The following MC2R variants were observed in gnomAD, a reference collection of about 807,000 sequenced individuals.
MC2R encodes adrenocorticotropic hormone receptor.
MC2R carries 9 observed loss-of-function variants against 9.8 expected under a neutral mutation model. The ratio of observed to expected loss-of-function variants is 0.92; its 90% CI spans 0.55 to 1.60. The LOEUF (loss-of-function observed/expected upper bound fraction) is 1.60. Ranked by LOEUF, MC2R falls within the 40% of genes most tolerant of loss-of-function variation. The pLI, the probability that MC2R is intolerant of heterozygous loss-of-function variation, is 0.00. For synonymous variants in MC2R, 185 were observed against 154.7 expected, an observed-to-expected ratio of 1.20 and a Z score of -1.45; for missense variants, 370 against 389.0, an observed-to-expected ratio of 0.95 and a Z score of 0.41.
At chr18:13,887,740 T>C (rs1168973098) in intron 1 of MC2R, among the ~76,000 whole-genome samples, 1 of 152,214 alleles carries the variant, frequency 6.6e-6, no homozygotes. Flanking sequence ...ATGGAGACAC[T>C]GGTCTCTTCC....
rs1479820068 is a variant in MC2R at position 13,882,693 on chromosome 18, C to T, written c.*1932G>A. 1 of 152,002 alleles carries T rather than the reference C, an allele frequency of 6.6e-6. No individual in the cohort carries two copies. Among genetic ancestry groups the T allele is most frequent in the Non-Finnish European group, 1.5e-5 (1 of 68,002 alleles). The allele number at this position is 152,002 out of a possible 1,614,324, so 9.4% of individuals were successfully genotyped here. A position where few individuals can be genotyped will look rare whatever the true frequency, so the allele number is the denominator to read the frequency against. On this transcript the variant is annotated 3_prime_UTR_variant, in exon 2 of 2. Coordinates refer to ENST00000327606, the MANE Select transcript of MC2R (RefSeq NM_000529.2). ...ACCTCTGTGGTATCACAGAGCATTG[C>T]AGCATCAAAAAAAGGTTACCTCTTA...
At position 13,885,195 on chromosome 18, in the gene MC2R, G is replaced by C; in HGVS notation, c.324C>G (p.Ser108=). 1 of 1,614,140 alleles carries C rather than the reference G, an allele frequency of 6.2e-7. No homozygotes were observed. The highest frequency in any genetic ancestry group is 2.2e-5 in the East Asian group (1 of 44,878). The part of the protein sequence containing the change: ...FETTADDIID[S]LFVLSLLGSI... The stretch of plus-strand genomic sequence containing the variant: ...AGCCAAGCAGGGAGAGGACAAACAG[G>C]GAGTCGATGATGTCATCGGCTGTGG... The change falls in exon 2 of 2, where the codon TCC becomes TCG. Residue 108 remains serine, a synonymous_variant. Coordinates refer to ENST00000327606, the MANE Select transcript of MC2R (RefSeq NM_000529.2).
intron 1 of MC2R, among the ~76,000 whole-genome samples, chr18:13,896,872 A>T (rs1334334108): frequency 6.6e-6 from 1 of 152,242 alleles, no homozygotes; most frequent in East Asian, 1.9e-4. Context: ...TTAGTTAAAT[A>T]TACTCCGCAA....
At position 13,882,593 on chromosome 18, in the gene MC2R, G is replaced by C. The variant is rs2045239281; in HGVS notation, c.*2032C>G. The C allele has an allele frequency of 6.6e-6, 1 of 152,190 alleles. No individual in the cohort carries two copies. Among genetic ancestry groups the C allele is most frequent in the South Asian group, 2.1e-4 (1 of 4,832 alleles). 9.4% of individuals were successfully genotyped at this position (152,190 alleles called of 1,614,324 possible). On this transcript the variant is annotated 3_prime_UTR_variant, in exon 2 of 2. Coordinates refer to ENST00000327606, the MANE Select transcript of MC2R (RefSeq NM_000529.2). ...TTGAGAGTGATTAGGAGACAGCAAA[G>C]CTGTTGACAAAGGCAGAATTTTATA...
At chr18:13,903,733 C>T (rs1460750585) in intron 1 of MC2R, among the ~76,000 whole-genome samples, 3 of 152,016 alleles carry the variant, frequency 2.0e-5, no homozygotes, top group African/African-American at 4.8e-5. Context: ...TAATGGTACA[C>T]AAATAGTTAG....
At chr18:13,901,313 T>C (rs1275488134) in intron 1 of MC2R, among the ~76,000 whole-genome samples, 1 of 151,666 alleles carries the variant, frequency 6.6e-6, no homozygotes, top group Admixed American at 6.6e-5. Context: ...AATAAACAAT[T>C]TAATGATGCA....
intron 1 of MC2R, among the ~76,000 whole-genome samples, chr18:13,910,602 C>A (rs2045438898): frequency 6.6e-6 from 1 of 152,172 alleles, no homozygotes; most frequent in South Asian, 2.1e-4. Context: ...CTACAAAGTG[C>A]CTGAGGGGGA....
At chr18:13,897,952 G>C (rs2045356528) in intron 1 of MC2R, among the ~76,000 whole-genome samples, 2 of 151,940 alleles carry the variant, frequency 1.3e-5, no homozygotes, top group African/African-American at 4.8e-5. Context: ...TCCCAGCTGT[G>C]GTAGCTATGG....
rs574684456 is a variant in MC2R at position 13,906,942 on chromosome 18, A to G, written c.-129+8546T>C. Among the ~76,000 whole-genome samples the G allele has an allele frequency of 1.3e-3, 196 of 152,352 alleles. 1 individual carries two copies. In the Middle Eastern group the frequency reaches 0.014, roughly 11 times the overall value. The stretch of plus-strand genomic sequence containing the variant: ...AATAATTAATATTGTTAAAATTTCC[A>G]TACTACCCAAAGCAATTTACAGATT... On this transcript the variant is annotated intron_variant, in intron 1 of 1. Transcript: ENST00000327606.
chr18:13,887,614 T>C (rs1272644879), intron 1 of MC2R, among the ~76,000 whole-genome samples: 1 of 152,176 alleles, frequency 6.6e-6, no homozygotes, highest in Non-Finnish European at 1.5e-5. Context: ...AACAGGTTAC[T>C]GAGTAAAACA....
chr18:13,897,629 GAGA>G (rs759543744), intron 1 of MC2R, among the ~76,000 whole-genome samples: 2 of 152,044 alleles, frequency 1.3e-5, no homozygotes, highest in African/African-American at 2.4e-5. Flanking sequence ...TTGAGGAGAG[GAGA>G]AGAGAAGGAA....
At chr18:13,914,724 A>G (rs762676397) in intron 1 of MC2R, among the ~76,000 whole-genome samples, 7 of 152,218 alleles carry the variant, frequency 4.6e-5, no homozygotes, top group Non-Finnish European at 1.0e-4. Context: ...ACAAACTGAA[A>G]TATGAAGAAG....
chr18:13,887,365 G>A (rs112430815), intron 1 of MC2R, among the ~76,000 whole-genome samples: 2 of 115,150 alleles, frequency 1.7e-5, no homozygotes, highest in African/African-American at 6.5e-5. Flanking sequence ...ACCTGCTGGG[G>A]AAGCCTCGGG....
chr18:13,898,646 C>A (rs1286513346), intron 1 of MC2R, among the ~76,000 whole-genome samples: 1 of 152,230 alleles, frequency 6.6e-6, no homozygotes, highest in Non-Finnish European at 1.5e-5. Flanking sequence ...CGTCACTCCA[C>A]CCCCAGATTT....
Position 13,884,920 on chromosome 18 carries a change from G to A in MC2R, c.599C>T (p.Ala200Val). The A allele has an allele frequency of 6.2e-7, 1 of 1,613,972 alleles. No individual in the cohort carries two copies. The highest frequency in any genetic ancestry group is 1.1e-5 in the South Asian group (1 of 91,064). Reference sequence around the variant, plus strand: ...GGAGATCTTCCTGGTGTGGGATCGAGCCAGCAGGAACATGTGCACATAGAG... The same window carrying A: ...GGAGATCTTCCTGGTGTGGGATCGAACCAGCAGGAACATGTGCACATAGAG... ...LCLYVHMFLL[A>V]RSHTRKISTL... Residue 200 changes from alanine (A) to valine (V), a missense_variant, in exon 2 of 2, where the codon GCT (alanine) becomes GTT (valine). Transcript: ENST00000327606.
At chr18:13,892,300 G>A (rs2045319717) in intron 1 of MC2R, among the ~76,000 whole-genome samples, 1 of 152,068 alleles carries the variant, frequency 6.6e-6, no homozygotes, top group African/African-American at 2.4e-5. Flanking sequence ...ACTTTTGCTA[G>A]AGATTACTGG....
At chr18:13,898,991 C>A (rs538492585) in intron 1 of MC2R, among the ~76,000 whole-genome samples, 1 of 152,264 alleles carries the variant, frequency 6.6e-6, no homozygotes, top group Admixed American at 6.5e-5. Context: ...TTGCCATCAT[C>A]CAGGAAAATA....
At chr18:13,896,159 GAGTT>G (rs1426917751) in intron 1 of MC2R, among the ~76,000 whole-genome samples, 2 of 152,156 alleles carry the variant, frequency 1.3e-5, no homozygotes, top group African/African-American at 2.4e-5. Flanking sequence ...TAATAAATAA[GAGTT>G]AGTATATATC....
chr18:13,905,187 A>T (rs1189237133), intron 1 of MC2R, among the ~76,000 whole-genome samples: 1 of 152,232 alleles, frequency 6.6e-6, no homozygotes, highest in Non-Finnish European at 1.5e-5. Flanking sequence ...AAACACATTT[A>T]CAAGAAAAAA....
Sources: gnomAD v4.1 joint callset for allele counts (sites outside exome capture counted in the v4.1 genomes callset) on GRCh38, gnomAD v4.1.1 for gene constraint, MANE v1.5 for transcripts, NCBI Gene and HGNC (gene_info 2026-07-23, HGNC 2026-07-21) for gene names.